Variants in HIVEP1 observed in about 807,000 individuals in gnomAD.
HIVEP1 encodes the protein HIVEP zinc finger 1, also known as zinc finger protein 40.
A neutral mutation model predicts 180.0 loss-of-function variants in HIVEP1; 36 were observed. That is an observed-to-expected ratio of 0.20 (90% confidence interval 0.15 to 0.26). The LOEUF (loss-of-function observed/expected upper bound fraction) is 0.26, where lower values mean the gene tolerates loss of function less well. Ranked by LOEUF, HIVEP1 falls within the 10% of genes least tolerant of loss-of-function variation. The probability of loss-of-function intolerance (pLI) is 1.00; values close to 1 mark genes in which losing one functional copy is unlikely to be tolerated. For missense variants in HIVEP1, 3,143 were observed against 3,268.7 expected (o/e 0.96, Z 0.94); for synonymous variants, 1,239 against 1,239.0 (o/e 1.00, Z 0.00).
intron 2 of HIVEP1, among the ~76,000 whole-genome samples, chr6:12,017,802 C>T (rs1767915055): frequency 6.6e-6 from 1 of 152,232 alleles, no homozygotes; most frequent in Non-Finnish European, 1.5e-5. Flanking sequence ...GGTGTATTCA[C>T]AATCCCTTAG....
chr6:12,011,308 C>T (rs1033029784), upstream of HIVEP1, among the ~76,000 whole-genome samples: 51 of 134,380 alleles, frequency 3.8e-4, 1 homozygote, highest in East Asian at 0.012. Context: ...CCATTCTGCC[C>T]GGGCGAGGGG....
chr6:12,114,386 C>T (rs1775093478), intron 3 of HIVEP1, among the ~76,000 whole-genome samples: 1 of 152,190 alleles, frequency 6.6e-6, no homozygotes, highest in Non-Finnish European at 1.5e-5. Context: ...ACCCCCACTT[C>T]CTGGCTGTTC....
intron 7 of HIVEP1, among the ~76,000 whole-genome samples, chr6:12,155,153 C>A (rs1759955275): frequency 6.6e-6 from 1 of 152,200 alleles, no homozygotes; most frequent in African/African-American, 2.4e-5. Context: ...TTACATCCCA[C>A]AAAATTCGAA....
At chr6:12,128,409 CTT>C (rs1758220067) in intron 4 of HIVEP1, among the ~76,000 whole-genome samples, 1 of 152,154 alleles carries the variant, frequency 6.6e-6, no homozygotes, top group South Asian at 2.1e-4. Flanking sequence ...TGAACAGACT[CTT>C]ATCTCTTAGT....
intron 4 of HIVEP1, among the ~76,000 whole-genome samples, chr6:12,127,281 G>A (rs2113549863): frequency 6.6e-6 from 1 of 152,324 alleles, no homozygotes; most frequent in Admixed American, 6.5e-5. Context: ...GGAAACATAG[G>A]TAAAAATCAA....
At chr6:12,038,022 TTTC>T (rs904314813) in intron 2 of HIVEP1, 28 of 356,040 alleles carry the variant, frequency 7.9e-5, no homozygotes, top group Non-Finnish European at 1.0e-4. Context: ...GTCTGTGGTT[TTTC>T]TTCTTCTTAT....
intron 3 of HIVEP1, among the ~76,000 whole-genome samples, chr6:12,102,681 C>T: frequency 6.6e-6 from 1 of 152,204 alleles, no homozygotes; most frequent in East Asian, 1.9e-4. Flanking sequence ...TGATGTACAA[C>T]TACAATTCCT....
rs1031791507 is a variant in HIVEP1, at chr6:12,121,500, A to C, written c.1705A>C (p.Thr569Pro). 6.2e-7 allele frequency: 1 copy of C among 1,614,060 alleles called. No individual in the cohort carries two copies. Among genetic ancestry groups the C allele is most frequent in the Non-Finnish European group, 8.5e-7 (1 of 1,180,042 alleles). ...ELPKVVVHHV[T>P]VSPLRTDSPK... Reference sequence around the variant, plus strand: ...ACCGAAAGTTGTGGTCCACCATGTCACTGTGTCCCCCTTAAGAACTGACAG... The same window carrying C: ...ACCGAAAGTTGTGGTCCACCATGTCCCTGTGTCCCCCTTAAGAACTGACAG... Residue 569 changes from threonine to proline, a missense_variant, in exon 4 of 9, where the codon ACT (threonine) becomes CCT (proline). Transcript: ENST00000379388. This position sits in a 1 kb window ranked among gnomAD's most constrained non-coding sequence, Gnocchi z 5.3.
chr6:12,039,587 T>A (rs906865435), intron 2 of HIVEP1, among the ~76,000 whole-genome samples: 2 of 152,154 alleles, frequency 1.3e-5, no homozygotes, highest in African/African-American at 4.8e-5. Context: ...GGTTAGAAGG[T>A]CATAGCGTTG....
At position 12,120,383 on chromosome 6, in the gene HIVEP1, C is replaced by T. The variant is rs936999382; in HGVS notation, c.588C>T (p.Phe196=). ...CCCCCTCCTATACAAACACTGCATT[C>T]GATGTCTTACTGAAAGCAATGGAGC... The part of the protein sequence containing the change: ...TTSPSYTNTA[F]DVLLKAMEPE... The change falls in exon 4 of 9, where the codon TTC becomes TTT. Residue 196 remains phenylalanine, a synonymous_variant. Transcript: ENST00000379388. 1.2e-5 allele frequency: 20 copies of T among 1,614,040 alleles called. No individual in the cohort carries two copies. Among genetic ancestry groups the T allele is most frequent in the Admixed American group, 5.0e-5 (3 of 60,008 alleles).
intron 8 of HIVEP1, among the ~76,000 whole-genome samples, chr6:12,162,279 C>T (rs1191204996): frequency 4.0e-5 from 6 of 150,440 alleles, no homozygotes; most frequent in African/African-American, 1.5e-4. Flanking sequence ...GATTTATCTG[C>T]TGGCCCCTTC....
chr6:12,141,892 T>C (rs1275900831), intron 7 of HIVEP1, among the ~76,000 whole-genome samples: 1 of 145,474 alleles, frequency 6.9e-6, no homozygotes. Context: ...AGCAAGTCCT[T>C]AGAGACCTAC....
intron 2 of HIVEP1, among the ~76,000 whole-genome samples, chr6:12,084,382 G>A (rs936323368): frequency 5.9e-5 from 9 of 152,188 alleles, no homozygotes; most frequent in South Asian, 4.1e-4. Flanking sequence ...TAAGTCCAGC[G>A]GTATTTGAGA....
the HIVEP1 span, among the ~76,000 whole-genome samples, chr6:12,210,976 A>C: frequency 6.6e-6 from 1 of 152,082 alleles, no homozygotes; most frequent in South Asian, 2.1e-4. Context: ...AGTCACATTT[A>C]CTTTTACATA....
At position 12,123,771 on chromosome 6, in the gene HIVEP1, G is replaced by A. The variant is rs777067192; in HGVS notation, c.3976G>A (p.Asp1326Asn). ...SSFSASLDIE[D>N]VSKTEASPKI... The stretch of plus-strand genomic sequence containing the variant: ...TTTCTCAGCCTCTTTAGACATAGAG[G>A]ACGTTTCTAAAACGGAGGCTTCCCC... The change falls in exon 4 of 9, where the codon GAC becomes AAC. Residue 1326 changes from aspartate to asparagine, a missense_variant. By Grantham distance (23) the Asp-to-Asn change is conservative (BLOSUM62 1). This residue lies in a region of HIVEP1 where 1,357 missense variants were observed against 1,260.5 expected (regional missense o/e 1.08). Coordinates refer to ENST00000379388, the MANE Select transcript of HIVEP1 (RefSeq NM_002114.4). 3 of 1,614,140 alleles carry A rather than the reference G, an allele frequency of 1.9e-6. No individual in the cohort carries two copies. Among genetic ancestry groups the A allele is most frequent in the Non-Finnish European group, 2.5e-6 (3 of 1,180,018 alleles).
At chr6:12,191,806 T>C in the HIVEP1 span, among the ~76,000 whole-genome samples, 6 of 152,212 alleles carry the variant, frequency 3.9e-5, no homozygotes, top group Non-Finnish European at 7.3e-5. Flanking sequence ...AAATGTTATC[T>C]CATTTGATGC....
chr6:12,105,252 A>T (rs1477860775), intron 3 of HIVEP1, among the ~76,000 whole-genome samples: 1 of 152,202 alleles, frequency 6.6e-6, no homozygotes, highest in East Asian at 1.9e-4. Flanking sequence ...GAAGCCCTTT[A>T]GGTTCTCAGC....
At chr6:12,207,903 C>CAAAA in the HIVEP1 span, among the ~76,000 whole-genome samples, 4 of 91,094 alleles carry the variant, frequency 4.4e-5, no homozygotes, top group South Asian at 4.5e-4. Context: ...GACTCTGTCT[C>CAAAA]AAAAAAAAAA....
At chr6:12,021,170 G>A (rs1314345222) in intron 2 of HIVEP1, among the ~76,000 whole-genome samples, 2 of 152,178 alleles carry the variant, frequency 1.3e-5, no homozygotes, top group Non-Finnish European at 2.9e-5. Context: ...ACAGGCGTGA[G>A]CCACCGCACC....
Sources: allele counts gnomAD v4.1 joint callset (sites outside exome capture counted in the v4.1 genomes callset), GRCh38; gene constraint gnomAD v4.1.1; regional missense constraint gnomAD v4.1.1; non-coding constraint Gnocchi (gnomAD v3.1); transcripts MANE v1.5; gene names NCBI Gene and HGNC (gene_info 2026-07-23, HGNC 2026-07-21).